Variants in NRXN1 observed in about 807,000 individuals in gnomAD.
The protein encoded by NRXN1 is neurexin-1.
In NRXN1, 39 loss-of-function variants were observed where a neutral mutation model predicts 150.9. The observed-to-expected ratio is 0.26, with a 90% CI of 0.20 to 0.34. The LOEUF is 0.34. NRXN1 is among the 10% of genes least tolerant of loss of function. NRXN1 has a pLI of 1.00. For synonymous variants in NRXN1, 924 were observed against 757.0 expected (o/e 1.22, Z -3.62); for missense variants, 1,815 against 1,949.9 (o/e 0.93, Z 1.30).
At chr2:50,390,154 T>C (rs2081590152) in intron 17 of NRXN1, among the ~76,000 whole-genome samples, 1 of 152,132 alleles carries the variant, frequency 6.6e-6, no homozygotes. Flanking sequence ...GATTTTCCTG[T>C]ATGTTTTTAT....
intron 21 of NRXN1, among the ~76,000 whole-genome samples, chr2:49,976,109 G>A (rs7563247): frequency 0.38 from 55,589 of 145,840 alleles, 10,921 homozygotes; most frequent in South Asian, 0.47. Context: ...TGCAACCTCT[G>A]CCTCTCAGGT....
chr2:50,729,317 T>C (rs1364522648), intron 5 of NRXN1, among the ~76,000 whole-genome samples: 1 of 152,208 alleles, frequency 6.6e-6, no homozygotes, highest in African/African-American at 2.4e-5. Flanking sequence ...CTTTACAAAG[T>C]TTTTCTCATT....
intron 21 of NRXN1, among the ~76,000 whole-genome samples, chr2:50,014,924 C>A (rs1446387835): frequency 6.6e-6 from 1 of 152,176 alleles, no homozygotes; most frequent in Admixed American, 6.5e-5. Flanking sequence ...AATGCTATCA[C>A]AGCCGGTGTA....
rs147258522 is a variant in NRXN1, at chr2:50,309,836, G to A, written c.3365-72866C>T. 2.1e-3 allele frequency among the ~76,000 whole-genome samples: 313 copies of A among 151,040 alleles called. 2 individuals carry two copies. The highest frequency in any genetic ancestry group is 7.3e-3 in the African/African-American group (302 of 41,198). ...TACAGAGATGTCCTGAGAGCCTAGC[G>A]GAAGCAGAGAAACTAAAAAAAATGT... On this transcript the variant is annotated intron_variant, in intron 17 of 22. Coordinates refer to ENST00000401669, the MANE Select transcript of NRXN1 (RefSeq NM_001330078.2).
In NRXN1 at chr2:50,531,360, C is replaced by T. The variant is rs753942536; in HGVS notation, c.2214G>A (p.Glu738=). 4 of 1,613,202 alleles carry T rather than the reference C, an allele frequency of 2.5e-6. No homozygotes were observed. The highest frequency in any genetic ancestry group is 2.2e-5 in the South Asian group (2 of 90,872). ...GGAACCGTAAGGAAACATCCTCAGC[C>T]TCCGTATGCATGACTACGGGGAGCT... The part of the protein sequence containing the change: ...KIQLPVVMHT[E]AEDVSLRFRS... Residue 738 remains glutamate (E), a synonymous_variant, in exon 11 of 23, where the codon GAG becomes GAA. Transcript: ENST00000401669.
intron 21 of NRXN1, among the ~76,000 whole-genome samples, chr2:49,998,059 A>T (rs1427936499): frequency 1.3e-5 from 2 of 152,176 alleles, no homozygotes; most frequent in Non-Finnish European, 1.5e-5. Context: ...AAATGCCATG[A>T]TGTTTAGCCA....
chr2:50,015,165 C>A (rs1490611814), intron 21 of NRXN1, among the ~76,000 whole-genome samples: 1 of 152,046 alleles, frequency 6.6e-6, no homozygotes, highest in East Asian at 1.9e-4. Flanking sequence ...ATAAGAAATG[C>A]AATTATCAGA....
chr2:50,658,283 C>CT lies in NRXN1; in HGVS notation c.833-34669dup, dbSNP rs1686780294. On this transcript the variant is annotated intron_variant, in intron 5 of 22. Coordinates refer to ENST00000401669, the MANE Select transcript of NRXN1 (RefSeq NM_001330078.2). ...CTGAGGTAAAAGCAGGTGGGTGTAT[C>CT]TTTACCTCAGAAGGATCCTTGACCT... Among the ~76,000 whole-genome samples the CT allele has an allele frequency of 2.6e-5, 4 of 151,980 alleles. 1 individual carries two copies. The highest frequency in any genetic ancestry group is 7.2e-5 in the African/African-American group (3 of 41,512).
chr2:50,664,605 T>C (rs1319179614), intron 5 of NRXN1, among the ~76,000 whole-genome samples: 1 of 151,776 alleles, frequency 6.6e-6, no homozygotes, highest in Non-Finnish European at 1.5e-5. Context: ...GTATCTGTAG[T>C]TAATTTTGGG....
intron 5 of NRXN1, among the ~76,000 whole-genome samples, chr2:50,654,756 T>G (rs1478645698): frequency 6.6e-6 from 1 of 152,136 alleles, no homozygotes; most frequent in Non-Finnish European, 1.5e-5. Context: ...ATTGTGTTTT[T>G]GATTTGCATT....
chr2:50,219,052 C>G (rs1237074467), intron 18 of NRXN1, among the ~76,000 whole-genome samples: 1 of 151,766 alleles, frequency 6.6e-6, no homozygotes, highest in African/African-American at 2.4e-5. Context: ...GGTTTTATTC[C>G]TTTGAGTGAA....
chr2:50,916,875 C>T (rs917541301), intron 5 of NRXN1: 1 of 151,634 alleles, frequency 6.6e-6, no homozygotes, highest in African/African-American at 2.4e-5. Flanking sequence ...TTGGTTAAAT[C>T]ACAGCAAGAG....
intron 17 of NRXN1, chr2:50,464,519 T>C (rs950296068): frequency 6.6e-6 from 1 of 151,954 alleles, no homozygotes; most frequent in Non-Finnish European, 1.5e-5. Context: ...CTCTACTCTT[T>C]CTTTAAATCC....
chr2:50,020,999 A>G (rs1573453223), intron 21 of NRXN1, among the ~76,000 whole-genome samples: 1 of 152,336 alleles, frequency 6.6e-6, no homozygotes, highest in East Asian at 1.9e-4. Flanking sequence ...GGTAAAATAT[A>G]TTTCATTAAA....
intron 2 of NRXN1, among the ~76,000 whole-genome samples, chr2:51,023,758 AAATT>A (rs1247195930): frequency 6.6e-6 from 1 of 152,202 alleles, no homozygotes; most frequent in African/African-American, 2.4e-5. Context: ...CTGAATAAAG[AAATT>A]AATAAACAAA....
chr2:50,499,247 T>C, intron 13 of NRXN1, among the ~76,000 whole-genome samples: 1 of 152,220 alleles, frequency 6.6e-6, no homozygotes, highest in East Asian at 1.9e-4. Context: ...CTATTTCATT[T>C]TCAAACACTC....
intron 5 of NRXN1, among the ~76,000 whole-genome samples, chr2:50,699,531 G>C (rs1693430371): frequency 6.6e-6 from 1 of 152,030 alleles, no homozygotes; most frequent in Non-Finnish European, 1.5e-5. Context: ...ACTGCTTGAA[G>C]ACAGAGGAAG....
At chr2:50,260,629 GTTTTTTTTTT>G (rs10601394) in intron 17 of NRXN1, among the ~76,000 whole-genome samples, 3 of 113,068 alleles carry the variant, frequency 2.7e-5, no homozygotes, top group Non-Finnish European at 3.5e-5. Context: ...TTTTTTTTCC[GTTTTTTTTTT>G]TTTTTTTTTT....
At chr2:50,523,752 C>A (rs2092862347) in intron 12 of NRXN1, among the ~76,000 whole-genome samples, 1 of 152,058 alleles carries the variant, frequency 6.6e-6, no homozygotes, top group African/African-American at 2.4e-5. Context: ...TTCCCTATAC[C>A]CAAGTCAAAA....
Sources: gnomAD v4.1 joint callset for allele counts (sites outside exome capture counted in the v4.1 genomes callset) on GRCh38, gnomAD v4.1.1 for gene constraint, MANE v1.5 for transcripts, NCBI Gene and HGNC (gene_info 2026-07-23, HGNC 2026-07-21) for gene names.